DPP4: variants seen among roughly 807,000 people sequenced by gnomAD.
The protein encoded by DPP4 is ADCP-2.
A neutral mutation model predicts 122.4 loss-of-function variants in DPP4; 93 were observed. The observed-to-expected ratio is 0.76, with a 90% CI of 0.64 to 0.90. The LOEUF is 0.90. Ranked by LOEUF, DPP4 falls within the 40% of genes least tolerant of loss-of-function variation. The probability of loss-of-function intolerance (pLI) is 0.00; values close to 1 mark genes in which losing one functional copy is unlikely to be tolerated. For synonymous variants in DPP4, 321 were observed against 302.9 expected (o/e 1.06, Z -0.62); for missense variants, 914 against 907.3 (o/e 1.01, Z -0.09).
At chr2:162,045,444 T>A (rs559285095) in intron 5 of DPP4, 88 bp downstream of exon 5, 2 of 915,006 alleles carry the variant, frequency 2.2e-6, no homozygotes, top group East Asian at 4.9e-5. Context: ...TAGATATTAA[T>A]CTTAAGTATC....
chr2:162,063,091 G>A (rs915545663), intron 2 of DPP4, among the ~76,000 whole-genome samples: 5 of 152,152 alleles, frequency 3.3e-5, no homozygotes, highest in Non-Finnish European at 7.3e-5. Flanking sequence ...AACTCTGAGA[G>A]AATATGAAGA....
intron 2 of DPP4, among the ~76,000 whole-genome samples, chr2:162,071,428 G>A (rs1685112448): frequency 6.6e-6 from 1 of 152,090 alleles, no homozygotes; most frequent in South Asian, 2.1e-4. Flanking sequence ...CAGATCATGA[G>A]GTCAGGAGAT....
At position 162,020,519 on chromosome 2, in the gene DPP4, C is replaced by A. The variant is rs528360922; in HGVS notation, c.1176+62G>T. The A allele has an allele frequency of 5.3e-5, 69 of 1,299,280 alleles. No individual in the cohort carries two copies. In the Admixed American group the frequency reaches 1.2e-3, roughly 23 times the overall value. The allele number at this position is 1,299,280 out of a possible 1,614,324, so 80.5% of individuals were successfully genotyped here. A position where few individuals can be genotyped will look rare whatever the true frequency, so the allele number is the denominator to read the frequency against. Reference sequence around the variant, plus strand: ...CCACCTTACCAAATGATTTCCACTTCAAGTTGGTTTCCAAAAAAAAAAAAG... The same window carrying A: ...CCACCTTACCAAATGATTTCCACTTAAAGTTGGTTTCCAAAAAAAAAAAAG... On this transcript the variant is annotated intron_variant, in intron 13 of 25. Transcript: ENST00000360534.
rs1199509415 is a variant in DPP4, at chr2:162,073,636, T to C, written c.7-150A>G. ...GCGGGCTGGGGGTGGGGGTGGCGTC[T>C]GGAGTGCGCCAGTTGGAGTTCTCTA... is the stretch of plus-strand genomic sequence containing the variant. On this transcript the variant is annotated intron_variant, in intron 1 of 25. Coordinates refer to ENST00000360534, the MANE Select transcript of DPP4 (RefSeq NM_001935.4). 12 of 744,772 alleles carry C rather than the reference T, an allele frequency of 1.6e-5. No individual in the cohort carries two copies. The Admixed American group carries it at 2.4e-4, about 15-fold the overall frequency. The allele number at this position is 744,772 out of a possible 1,614,324, so 46.1% of individuals were successfully genotyped here.
intron 10 of DPP4, among the ~76,000 whole-genome samples, chr2:162,029,467 G>A (rs1683462940): frequency 6.6e-6 from 1 of 152,202 alleles, no homozygotes; most frequent in South Asian, 2.1e-4. Flanking sequence ...AATCCCTCAG[G>A]AGAGGAATGG....
chr2:162,052,342 A>T (rs868475383), intron 2 of DPP4, among the ~76,000 whole-genome samples: 1 of 133,278 alleles, frequency 7.5e-6, no homozygotes, highest in Non-Finnish European at 1.6e-5. Context: ...AAAAAAAAAA[A>T]GTGGAGGACA....
At position 162,011,806 on chromosome 2, in the gene DPP4, T is replaced by C; in HGVS notation, c.1819A>G (p.Ile607Val). ...RLGTFEVEDQ[I>V]EAARQFSKMG... ...CTAGTCACTCACCTGGCTGCTTCAA[T>C]TTGATCTTCAACTTCAAATGTTCCC... is the stretch of plus-strand genomic sequence containing the variant. The change falls in exon 20 of 26, where the codon ATT becomes GTT. Residue 607 changes from isoleucine (I) to valine (V), a missense_variant. By Grantham distance (29) the Ile-to-Val change is conservative. Transcript: ENST00000360534. 1.2e-6 allele frequency: 2 copies of C among 1,613,528 alleles called. No individual in the cohort carries two copies. Among genetic ancestry groups the C allele is most frequent in the South Asian group, 1.1e-5 (1 of 91,030 alleles).
At chr2:161,996,064 C>A (rs566367285) in intron 23 of DPP4, among the ~76,000 whole-genome samples, 1 of 151,708 alleles carries the variant, frequency 6.6e-6, no homozygotes, top group African/African-American at 2.4e-5. Flanking sequence ...CCCAAATTAG[C>A]CAAGAAATAG....
intron 2 of DPP4, among the ~76,000 whole-genome samples, chr2:162,055,012 A>C (rs1684517694): frequency 1.3e-5 from 2 of 152,212 alleles, no homozygotes; most frequent in African/African-American, 4.8e-5. Flanking sequence ...TACAAAAAAG[A>C]ATATAAAAGA....
At chr2:162,036,128 G>A (rs892843055) in intron 8 of DPP4, among the ~76,000 whole-genome samples, 1 of 152,052 alleles carries the variant, frequency 6.6e-6, no homozygotes, top group South Asian at 2.1e-4. Flanking sequence ...TTCACCAACC[G>A]GGAATGGAGG....
intron 10 of DPP4, among the ~76,000 whole-genome samples, chr2:162,028,287 G>C (rs1222157015): frequency 6.6e-6 from 1 of 151,998 alleles, no homozygotes; most frequent in Non-Finnish European, 1.5e-5. Context: ...AATTGAACCG[G>C]GCAGACAGAG....
chr2:162,004,651 G>A (rs1406319940), intron 23 of DPP4, among the ~76,000 whole-genome samples: 1 of 151,920 alleles, frequency 6.6e-6, no homozygotes, highest in Non-Finnish European at 1.5e-5. Flanking sequence ...AAAGTAATTG[G>A]TAAAACTAAA....
At chr2:162,072,034 A>C (rs1685135472) in intron 2 of DPP4, among the ~76,000 whole-genome samples, 1 of 152,254 alleles carries the variant, frequency 6.6e-6, no homozygotes, top group Non-Finnish European at 1.5e-5. Context: ...ATCCACACAC[A>C]CACATACACA....
At chr2:161,995,949 G>A (rs1347756374) in intron 23 of DPP4, among the ~76,000 whole-genome samples, 2 of 152,186 alleles carry the variant, frequency 1.3e-5, no homozygotes, top group African/African-American at 4.8e-5. Flanking sequence ...ACATATGGGA[G>A]GGGAAGGGGG....
At chr2:162,058,568 G>A (rs570664588) in intron 2 of DPP4, among the ~76,000 whole-genome samples, 16 of 152,262 alleles carry the variant, frequency 1.1e-4, no homozygotes, top group Admixed American at 4.6e-4. Context: ...ATATTTAATC[G>A]TTTTTCTGAA....
intron 2 of DPP4, among the ~76,000 whole-genome samples, chr2:162,070,314 C>T (rs893341455): frequency 6.6e-6 from 1 of 152,068 alleles, no homozygotes; most frequent in Non-Finnish European, 1.5e-5. Context: ...AAGCCTCTCT[C>T]TCTCTCTCTC....
At chr2:162,008,809 AT>A in intron 21 of DPP4, 148 bp from the exon 22 acceptor site, 1 of 670,548 alleles carries the variant, frequency 1.5e-6, no homozygotes, top group Non-Finnish European at 2.6e-6. Context: ...ATTGGCCTTA[AT>A]TGGACAGTAT....
At chr2:162,015,092 G>A (rs569503618) in intron 18 of DPP4, among the ~76,000 whole-genome samples, 8 of 152,210 alleles carry the variant, frequency 5.3e-5, no homozygotes, top group Admixed American at 1.3e-4. Context: ...AATAAAATTT[G>A]TCCCTAAATA....
intron 23 of DPP4, among the ~76,000 whole-genome samples, chr2:162,003,364 A>G (rs1252856218): frequency 1.3e-5 from 2 of 152,132 alleles, no homozygotes; most frequent in Non-Finnish European, 2.9e-5. Context: ...AAATTTATGC[A>G]GGTTGAAATG....
Sources: allele counts gnomAD v4.1 joint callset (sites outside exome capture counted in the v4.1 genomes callset), GRCh38; gene constraint gnomAD v4.1.1; transcripts MANE v1.5; gene names NCBI Gene and HGNC (gene_info 2026-07-23, HGNC 2026-07-21).